Variants in ATF4 observed in about 807,000 individuals in gnomAD.
The protein encoded by ATF4 is activating transcription factor 4.
In ATF4, 8 loss-of-function variants were observed where a neutral mutation model predicts 21.0. That is an observed-to-expected ratio of 0.38 (90% confidence interval 0.22 to 0.69). The LOEUF (loss-of-function observed/expected upper bound fraction) is 0.69, where lower values mean the gene tolerates loss of function less well. Ranked by LOEUF, ATF4 falls within the 30% of genes least tolerant of loss-of-function variation. The probability of loss-of-function intolerance (pLI) is 0.49; values close to 1 mark genes in which losing one functional copy is unlikely to be tolerated. For synonymous variants in ATF4, 241 were observed against 166.4 expected (o/e 1.45, Z -3.45); for missense variants, 549 against 425.9 (o/e 1.29, Z -2.54).
At position 39,522,163 on chromosome 22, in the gene ATF4, A is replaced by C. The variant is rs752363008; in HGVS notation, c.617A>C (p.Gln206Pro). 1.2e-6 allele frequency: 2 copies of C among 1,613,436 alleles called. No individual in the cohort carries two copies. Among genetic ancestry groups the C allele is most frequent in the Admixed American group, 3.3e-5 (2 of 59,944 alleles). ...DYTAYVAMIPQCIKEEDTPSD... is the reference protein window; with the variant it reads ...DYTAYVAMIPPCIKEEDTPSD... ...ACTGCTTACGTTGCCATGATCCCTC[A>C]GTGCATAAAGGAGGAAGACACCCCT... The change falls in exon 3 of 3, where the codon CAG (glutamine) becomes CCG (proline). Residue 206 changes from glutamine to proline, a missense_variant. Transcript: ENST00000674920.
chr22:39,521,336 C>G lies in ATF4; in HGVS notation c.-92-18C>G. 2 of 940,148 alleles carry G rather than the reference C, an allele frequency of 2.1e-6. No individual in the cohort carries two copies. Among genetic ancestry groups the G allele is most frequent in the Non-Finnish European group, 3.2e-6 (2 of 620,744 alleles). 58.2% of individuals were successfully genotyped at this position (940,148 alleles called of 1,614,324 possible). Reference sequence around the variant, plus strand: ...ACAGCTAACCTCTAATGGGAGTTGGCTTCTGATTCTCATTCAGGCTTCTCA... The same window carrying G: ...ACAGCTAACCTCTAATGGGAGTTGGGTTCTGATTCTCATTCAGGCTTCTCA... On this transcript the variant is annotated intron_variant, in intron 1 of 2. Coordinates refer to ENST00000674920, the MANE Select transcript of ATF4 (RefSeq NM_182810.3).
chr22:39,521,259 T>TC, intron 1 of ATF4, 95 bp from the exon 2 acceptor site: 1 of 505,404 alleles, frequency 2.0e-6, no homozygotes, highest in Non-Finnish European at 3.5e-6. Context: ...ATTCTCTAGA[T>TC]GGCCGATCTA....
chr22:39,521,773 A>C lies in ATF4; in HGVS notation c.227A>C (p.Glu76Ala). Residue 76 changes from glutamate (E) to alanine (A), a missense_variant and splice_region_variant, in exon 3 of 3, where the codon GAG becomes GCG. Transcript: ENST00000674920. ...GLVSPSNNSK[E>A]DAFSGTDWML... ...GCCCCATCACTCAAATGTTTTGCAG[A>C]GGATGCCTTCTCCGGGACAGATTGG... is the stretch of plus-strand genomic sequence containing the variant. 5.6e-6 allele frequency: 9 copies of C among 1,613,750 alleles called. No homozygotes were observed. Among genetic ancestry groups the C allele is most frequent in the Non-Finnish European group, 7.6e-6 (9 of 1,179,716 alleles).
At position 39,522,109 on chromosome 22, in the gene ATF4, T is replaced by C. The variant is rs368914495; in HGVS notation, c.563T>C (p.Ile188Thr). The part of the protein sequence containing the change: ...FSLELGSEVD[I>T]TEGDRKPDYT... ...TTAGAGCTGGGCAGTGAAGTGGATA[T>C]CACTGAAGGAGATAGGAAGCCAGAC... Residue 188 changes from isoleucine (I) to threonine (T), a missense_variant, in exon 3 of 3, where the codon ATC becomes ACC. Ile to Thr is a moderately conservative substitution (Grantham distance 89). Transcript: ENST00000674920. 2 of 1,613,796 alleles carry C rather than the reference T, an allele frequency of 1.2e-6. No individual in the cohort carries two copies. Among genetic ancestry groups the C allele is most frequent in the Non-Finnish European group, 1.7e-6 (2 of 1,179,846 alleles).
chr22:39,521,728 C>T (rs1489510376), intron 2 of ATF4, 45 bp from the exon 3 acceptor site: 2 of 1,609,746 alleles, frequency 1.2e-6, no homozygotes, highest in South Asian at 2.2e-5. Context: ...GGCCTCCTAC[C>T]TTTGTATCTG....
Position 39,522,636 on chromosome 22 carries a change from C to G in ATF4, c.*34C>G, listed in dbSNP as rs189076537. On this transcript the variant is annotated 3_prime_UTR_variant, in exon 3 of 3. Coordinates refer to ENST00000674920, the MANE Select transcript of ATF4 (RefSeq NM_182810.3). ...AGTCAGGAGCGTCAATGTGCTTGTA[C>G]ATAGAGTGCTGTAGCTGTGTGTTCC... The G allele has an allele frequency of 2.0e-6, 3 of 1,484,252 alleles. No individual in the cohort carries two copies. The highest frequency in any genetic ancestry group is 4.6e-5 in the East Asian group (2 of 43,706). 91.9% of individuals were successfully genotyped at this position (1,484,252 alleles called of 1,614,324 possible). A position where few individuals can be genotyped will look rare whatever the true frequency, so the allele number is the denominator to read the frequency against.
rs1448948705 is a variant in ATF4, at chr22:39,521,040, A to G, written c.-93+289A>G. ...TGTTGCCCCACGAAACGTGGCAGGAACCAAGATGGCGGCGGCAGGGCGGCG... is the reference window on the plus strand; with the variant it reads ...TGTTGCCCCACGAAACGTGGCAGGAGCCAAGATGGCGGCGGCAGGGCGGCG... On this transcript the variant is annotated intron_variant, in intron 1 of 2. Transcript: ENST00000674920. 5 of 156,616 alleles carry G rather than the reference A, an allele frequency of 3.2e-5. No homozygotes were observed. The East Asian group carries it at 5.7e-4, about 18-fold the overall frequency. The allele number at this position is 156,616 out of a possible 1,614,324, so 9.7% of individuals were successfully genotyped here.
chr22:39,521,767 T>A lies in ATF4; in HGVS notation c.227-6T>A. On this transcript the variant is annotated splice_polypyrimidine_tract_variant and splice_region_variant and intron_variant, in intron 2 of 2. Coordinates refer to ENST00000674920, the MANE Select transcript of ATF4 (RefSeq NM_182810.3). ...CACTTGGCCCCATCACTCAAATGTT[T>A]TGCAGAGGATGCCTTCTCCGGGACA... 2 of 1,613,660 alleles carry A rather than the reference T, an allele frequency of 1.2e-6. No individual in the cohort carries two copies. Among genetic ancestry groups the A allele is most frequent in the Non-Finnish European group, 1.7e-6 (2 of 1,179,654 alleles).
At position 39,522,506 on chromosome 22, in the gene ATF4, A is replaced by G. The variant is rs748841276; in HGVS notation, c.960A>G (p.Leu320=). 7 of 1,611,918 alleles carry G rather than the reference A, an allele frequency of 4.3e-6. No homozygotes were observed. The highest frequency in any genetic ancestry group is 1.6e-4 in the Middle Eastern group (1 of 6,072). Reference sequence around the variant, plus strand: ...AGCTGGAAAAGAAGAACGAGGCTCTAAAAGAGAGGGCGGATTCCCTGGCCA... The same window carrying G: ...AGCTGGAAAAGAAGAACGAGGCTCTGAAAGAGAGGGCGGATTCCCTGGCCA... ...CKELEKKNEA[L]KERADSLAKE... Residue 320 remains leucine, a synonymous_variant, in exon 3 of 3, where the codon CTA becomes CTG. Coordinates refer to ENST00000674920, the MANE Select transcript of ATF4 (RefSeq NM_182810.3).
In ATF4 at chr22:39,521,261, G is replaced by A. The variant is rs1955000135; in HGVS notation, c.-92-93G>A. ...TGCCCTGTTCCCGATTCTCTAGATG[G>A]CCGATCTAGAGAAGTCCCGCCTCAT... On this transcript the variant is annotated intron_variant, in intron 1 of 2. Coordinates refer to ENST00000674920, the MANE Select transcript of ATF4 (RefSeq NM_182810.3). The A allele has an allele frequency of 5.9e-6, 3 of 506,340 alleles. No homozygotes were observed. In the South Asian group the frequency reaches 9.9e-5, roughly 17 times the overall value. 31.4% of individuals were successfully genotyped at this position (506,340 alleles called of 1,614,324 possible). A position where few individuals can be genotyped will look rare whatever the true frequency, so the allele number is the denominator to read the frequency against.
Position 39,520,568 on chromosome 22 carries a change from T to C in ATF4, c.-276T>C, listed in dbSNP as rs1208094560. 6.5e-6 allele frequency: 1 copy of C among 152,736 alleles called. No homozygotes were observed. Among genetic ancestry groups the C allele is most frequent in the African/African-American group, 2.4e-5 (1 of 41,454 alleles). 9.5% of individuals were successfully genotyped at this position (152,736 alleles called of 1,614,324 possible). On this transcript the variant is annotated 5_prime_UTR_variant, in exon 1 of 3. Coordinates refer to ENST00000674920, the MANE Select transcript of ATF4 (RefSeq NM_182810.3). ...GGCGGGCGGCCACGGCAGCCATTTCTACTTTGCCCGCCCACAGATGTAGTT... is the reference window on the plus strand; with the variant it reads ...GGCGGGCGGCCACGGCAGCCATTTCCACTTTGCCCGCCCACAGATGTAGTT...
In ATF4 at chr22:39,521,360, C is replaced by T. The variant is rs1177502777; in HGVS notation, c.-86C>T. 13 of 1,196,026 alleles carry T rather than the reference C, an allele frequency of 1.1e-5. No homozygotes were observed. The highest frequency in any genetic ancestry group is 1.5e-5 in the South Asian group (1 of 66,420). 74.1% of individuals were successfully genotyped at this position (1,196,026 alleles called of 1,614,324 possible). A position where few individuals can be genotyped will look rare whatever the true frequency, so the allele number is the denominator to read the frequency against. ...GCTTCTGATTCTCATTCAGGCTTCT[C>T]ACGGCATTCAGCAGCAGCGTTGCTG... On this transcript the variant is annotated 5_prime_UTR_variant, in exon 2 of 3. Coordinates refer to ENST00000674920, the MANE Select transcript of ATF4 (RefSeq NM_182810.3).
Position 39,522,073 on chromosome 22 carries a change from A to G in ATF4, c.527A>G (p.His176Arg). 5 of 1,613,908 alleles carry G rather than the reference A, an allele frequency of 3.1e-6. No homozygotes were observed. Among genetic ancestry groups the G allele is most frequent in the Non-Finnish European group, 4.2e-6 (5 of 1,179,838 alleles). Residue 176 changes from histidine (H) to arginine (R), a missense_variant, in exon 3 of 3, where the codon CAT becomes CGT. Coordinates refer to ENST00000674920, the MANE Select transcript of ATF4 (RefSeq NM_182810.3). ...SPGVLSSTPD[H>R]SFSLELGSEV... ...GGGGTCCTGTCCTCCACTCCAGATC[A>G]TTCCTTTAGTTTAGAGCTGGGCAGT...
Position 39,522,659 on chromosome 22 carries a change from TC to T in ATF4, c.*59del, listed in dbSNP as rs1931044679. ...TACATAGAGTGCTGTAGCTGTGTGT[TC>T]CAATAAATTATTTTGTAGGGAAAGT... On this transcript the variant is annotated 3_prime_UTR_variant, in exon 3 of 3. Transcript: ENST00000674920. 1 of 1,394,866 alleles carries T rather than the reference TC, an allele frequency of 7.2e-7. No individual in the cohort carries two copies. Among genetic ancestry groups the T allele is most frequent in the African/African-American group, 1.5e-5 (1 of 68,378 alleles). 86.4% of individuals were successfully genotyped at this position (1,394,866 alleles called of 1,614,324 possible).
rs562456003 is a variant in ATF4 at position 39,522,185 on chromosome 22, C to G, written c.639C>G (p.Thr213=). Residue 213 remains threonine, a synonymous_variant, in exon 3 of 3, where the codon ACC becomes ACG. Coordinates refer to ENST00000674920, the MANE Select transcript of ATF4 (RefSeq NM_182810.3). ...MIPQCIKEED[T]PSDNDSGICM... ...CTCAGTGCATAAAGGAGGAAGACACCCCTTCAGATAATGATAGTGGCATCT... is the reference window on the plus strand; with the variant it reads ...CTCAGTGCATAAAGGAGGAAGACACGCCTTCAGATAATGATAGTGGCATCT... 6.2e-7 allele frequency: 1 copy of G among 1,611,792 alleles called. No homozygotes were observed. Among genetic ancestry groups the G allele is most frequent in the Non-Finnish European group, 8.5e-7 (1 of 1,178,542 alleles).
At position 39,522,195 on chromosome 22, in the gene ATF4, A is replaced by G. The variant is rs773683906; in HGVS notation, c.649A>G (p.Asn217Asp). Residue 217 changes from asparagine (N) to aspartate (D), a missense_variant, in exon 3 of 3, where the codon AAT becomes GAT. Asn to Asp is a conservative substitution (Grantham distance 23). Coordinates refer to ENST00000674920, the MANE Select transcript of ATF4 (RefSeq NM_182810.3). ...AAAGGAGGAAGACACCCCTTCAGATAATGATAGTGGCATCTGTATGAGCCC... is the reference window on the plus strand; with the variant it reads ...AAAGGAGGAAGACACCCCTTCAGATGATGATAGTGGCATCTGTATGAGCCC... ...CIKEEDTPSD[N>D]DSGICMSPES... 13 of 1,611,366 alleles carry G rather than the reference A, an allele frequency of 8.1e-6. 1 individual carries two copies. The highest frequency in any genetic ancestry group is 5.5e-5 in the South Asian group (5 of 90,910).
rs577669136 is a variant in ATF4 at position 39,520,741 on chromosome 22, T to G, written c.-103T>G. 6.5e-6 allele frequency: 1 copy of G among 153,958 alleles called. No homozygotes were observed. The highest frequency in any genetic ancestry group is 2.0e-4 in the South Asian group (1 of 4,982). The allele number at this position is 153,958 out of a possible 1,614,324, so 9.5% of individuals were successfully genotyped here. Reference sequence around the variant, plus strand: ...TCTGCAGCGGCAACCCCCAGCGGCTTAAGCCATGGCGTGAGTACCGGGGCG... The same window carrying G: ...TCTGCAGCGGCAACCCCCAGCGGCTGAAGCCATGGCGTGAGTACCGGGGCG... On this transcript the variant is annotated 5_prime_UTR_variant, in exon 1 of 3. Coordinates refer to ENST00000674920, the MANE Select transcript of ATF4 (RefSeq NM_182810.3).
chr22:39,521,035 C>T (rs1482989278), intron 1 of ATF4: 59 of 159,100 alleles, frequency 3.7e-4, no homozygotes, highest in Admixed American at 3.7e-3. Flanking sequence ...CGAAACGTGG[C>T]AGGAACCAAG....
At position 39,521,606 on chromosome 22, in the gene ATF4, C is replaced by T. The variant is rs1283519293; in HGVS notation, c.161C>T (p.Ala54Val). 3.1e-6 allele frequency: 5 copies of T among 1,614,030 alleles called. No individual in the cohort carries two copies. Among genetic ancestry groups the T allele is most frequent in the Non-Finnish European group, 4.2e-6 (5 of 1,180,034 alleles). The change falls in exon 2 of 3, where the codon GCT becomes GTT. Residue 54 changes from alanine (A) to valine (V), a missense_variant. By Grantham distance (64) the Ala-to-Val change is moderately conservative. Coordinates refer to ENST00000674920, the MANE Select transcript of ATF4 (RefSeq NM_182810.3). ...CCTCATGGGTTCTCCAGCGACAAGG[C>T]TAAGGCGGGCTCCTCCGAATGGCTG... ...FKPHGFSSDKAKAGSSEWLAV... is the reference protein window; with the variant it reads ...FKPHGFSSDKVKAGSSEWLAV...
Sources: allele counts gnomAD v4.1 joint callset, GRCh38; gene constraint gnomAD v4.1.1; transcripts MANE v1.5; gene names NCBI Gene and HGNC (gene_info 2026-07-23, HGNC 2026-07-21).